Variants in CADM1 observed in about 807,000 individuals in gnomAD.
CADM1 encodes the protein cell adhesion molecule 1.
A neutral mutation model predicts 53.1 loss-of-function variants in CADM1; 15 were observed. The ratio of observed to expected loss-of-function variants is 0.28; its 90% CI spans 0.19 to 0.44. CADM1 has a LOEUF of 0.44. Among genes scored for constraint, CADM1 ranks in the 20% least tolerant of loss-of-function variants. The pLI is 1.00. For synonymous variants in CADM1, 281 were observed against 243.0 expected, an observed-to-expected ratio of 1.16 and a Z score of -1.45; for missense variants, 434 against 611.3, an observed-to-expected ratio of 0.71 and a Z score of 3.06.
intron 1 of CADM1, among the ~76,000 whole-genome samples, chr11:115,502,068 A>T (rs1949738166): frequency 2.0e-5 from 3 of 152,188 alleles, no homozygotes; most frequent in African/African-American, 7.2e-5. Flanking sequence ...CTGGCAACAG[A>T]ATTTTCATGT....
At chr11:115,481,350 A>G (rs1035260675) in intron 1 of CADM1, among the ~76,000 whole-genome samples, 1 of 152,116 alleles carries the variant, frequency 6.6e-6, no homozygotes, top group African/African-American at 2.4e-5. Context: ...TGGCTCACTC[A>G]CCTTCTTAGA....
At chr11:115,391,339 CA>C (rs1305373314) in intron 1 of CADM1, among the ~76,000 whole-genome samples, 2 of 152,186 alleles carry the variant, frequency 1.3e-5, no homozygotes, top group African/African-American at 4.8e-5. Context: ...TCTTTATCAG[CA>C]AAACGATTAC....
chr11:115,486,193 C>T (rs1949369654), intron 1 of CADM1, among the ~76,000 whole-genome samples: 1 of 152,164 alleles, frequency 6.6e-6, no homozygotes, highest in African/African-American at 2.4e-5. Flanking sequence ...CTCTCCATTT[C>T]TAATGGAAGA....
chr11:115,429,838 T>C lies in CADM1; in HGVS notation c.124+74433A>G, dbSNP rs538995945. The stretch of plus-strand genomic sequence containing the variant: ...GTAGTGTCCAAAGCAGGGATGTCCA[T>C]GAGAAAACTCAGTGTGGTTTGTTCC... On this transcript the variant is annotated intron_variant, in intron 1 of 11. Transcript: ENST00000331581. Among the ~76,000 whole-genome samples, 4 of 152,264 alleles carry C rather than the reference T, an allele frequency of 2.6e-5. No homozygotes were observed. The East Asian group carries it at 5.8e-4, about 22-fold the overall frequency.
At chr11:115,475,549 A>G (rs892692507) in intron 1 of CADM1, among the ~76,000 whole-genome samples, 3 of 152,236 alleles carry the variant, frequency 2.0e-5, no homozygotes, top group Admixed American at 6.5e-5. Flanking sequence ...GGGATAGACT[A>G]TAGTACATCC....
intron 1 of CADM1, among the ~76,000 whole-genome samples, chr11:115,418,014 G>A (rs768048019): frequency 5.3e-5 from 8 of 152,108 alleles, no homozygotes; most frequent in Non-Finnish European, 7.3e-5. Flanking sequence ...ATTCAGATGC[G>A]GATAAGAAGC....
intron 10 of CADM1, 67 bp downstream of exon 10, chr11:115,190,821 T>G (rs1939813582): frequency 7.3e-7 from 1 of 1,371,836 alleles, no homozygotes; most frequent in South Asian, 1.3e-5. Context: ...AATGGCCATT[T>G]TGTAGAAGTG....
At chr11:115,400,572 AT>A (rs1947112818) in intron 1 of CADM1, among the ~76,000 whole-genome samples, 1 of 143,106 alleles carries the variant, frequency 7.0e-6, no homozygotes. Flanking sequence ...ATATATATAT[AT>A]ATATAATATA....
At chr11:115,268,538 A>G (rs1943208638) in intron 1 of CADM1, among the ~76,000 whole-genome samples, 2 of 152,224 alleles carry the variant, frequency 1.3e-5, no homozygotes, top group East Asian at 3.9e-4. Flanking sequence ...TCAATAAAAA[A>G]AGCCACAGGT....
At chr11:115,286,235 T>C (rs531403512) in intron 1 of CADM1, among the ~76,000 whole-genome samples, 30 of 152,336 alleles carry the variant, frequency 2.0e-4, no homozygotes, top group Admixed American at 1.8e-3. Context: ...GCAGCAAATC[T>C]GTAGCACCCA....
rs529798491 is a variant in CADM1, at chr11:115,200,425, C to T, written c.1079-1987G>A. Among the ~76,000 whole-genome samples, 4 of 152,184 alleles carry T rather than the reference C, an allele frequency of 2.6e-5. No homozygotes were observed. In the South Asian group the frequency reaches 6.2e-4, roughly 24 times the overall value. On this transcript the variant is annotated intron_variant, in intron 8 of 11. Coordinates refer to ENST00000331581, the MANE Select transcript of CADM1 (RefSeq NM_001301043.2). ...TTATAGATAGGCATCGGCTCCTTTC[C>T]AAAATTACAAAAAAGCAATCAACAC...
intron 1 of CADM1, among the ~76,000 whole-genome samples, chr11:115,500,290 T>C (rs1949702286): frequency 6.6e-6 from 1 of 151,966 alleles, no homozygotes; most frequent in Non-Finnish European, 1.5e-5. Context: ...ATGCACCTTT[T>C]GCTAAAAACA....
intron 1 of CADM1, among the ~76,000 whole-genome samples, chr11:115,311,650 G>C (rs1278958849): frequency 6.6e-6 from 1 of 152,110 alleles, no homozygotes; most frequent in Non-Finnish European, 1.5e-5. Flanking sequence ...AAAAAGCTAA[G>C]TCCCATTATG....
chr11:115,502,571 T>C (rs1421933187), intron 1 of CADM1, among the ~76,000 whole-genome samples: 1 of 151,884 alleles, frequency 6.6e-6, no homozygotes, highest in East Asian at 1.9e-4. Context: ...TCGTAACTCA[T>C]AAATTAAGAA....
intron 1 of CADM1, among the ~76,000 whole-genome samples, chr11:115,272,813 T>A (rs1565337198): frequency 6.7e-6 from 1 of 150,228 alleles, no homozygotes; most frequent in Non-Finnish European, 1.5e-5. Flanking sequence ...GACGAGTTAG[T>A]GGGTGCAGCA....
At chr11:115,409,402 G>GT (rs999704620) in intron 1 of CADM1, among the ~76,000 whole-genome samples, 36 of 151,766 alleles carry the variant, frequency 2.4e-4, no homozygotes, top group Non-Finnish European at 3.2e-4. Flanking sequence ...CTTATTTTTC[G>GT]TTTTTTTTGT....
chr11:115,438,085 A>G (rs1036951510), intron 1 of CADM1, among the ~76,000 whole-genome samples: 18 of 152,186 alleles, frequency 1.2e-4, no homozygotes, highest in African/African-American at 1.9e-4. Context: ...CTGTTTTGAC[A>G]TCTGGCCCAT....
intron 1 of CADM1, among the ~76,000 whole-genome samples, chr11:115,370,496 G>A (rs1946281612): frequency 6.6e-6 from 1 of 152,122 alleles, no homozygotes; most frequent in African/African-American, 2.4e-5. Flanking sequence ...AGCCATCAGA[G>A]AGCTTGCTGT....
intron 1 of CADM1, among the ~76,000 whole-genome samples, chr11:115,356,222 T>A (rs1945866309): frequency 6.7e-6 from 1 of 148,898 alleles, no homozygotes. Flanking sequence ...ATTTCCCATA[T>A]AATTATATGA....
Sources: allele counts gnomAD v4.1 joint callset (sites outside exome capture counted in the v4.1 genomes callset), GRCh38; gene constraint gnomAD v4.1.1; transcripts MANE v1.5; gene names NCBI Gene and HGNC (gene_info 2026-07-23, HGNC 2026-07-21).